Variants in ADARB2 observed in about 807,000 individuals in gnomAD.
ADARB2 encodes the protein inactive double-stranded RNA-specific editase B2.
A neutral mutation model predicts 62.2 loss-of-function variants in ADARB2; 25 were observed. That is an observed-to-expected ratio of 0.40 (90% CI 0.29 to 0.56). The LOEUF (loss-of-function observed/expected upper bound fraction) is 0.56. ADARB2 is among the 20% of genes least tolerant of loss of function. The pLI is 0.43. For synonymous variants in ADARB2, 572 were observed against 500.8 expected, an observed-to-expected ratio of 1.14 and a Z score of -1.90; for missense variants, 1,071 against 1,077.4, an observed-to-expected ratio of 0.99 and a Z score of 0.08.
At chr10:1,552,017 C>T (rs369713984) in intron 1 of ADARB2, among the ~76,000 whole-genome samples, 4 of 151,702 alleles carry the variant, frequency 2.6e-5, no homozygotes, top group East Asian at 2.0e-4. Flanking sequence ...TGGCCTCCTG[C>T]GTGGAGGCCA....
At chr10:1,491,918 T>G (rs1268116604) in intron 1 of ADARB2, among the ~76,000 whole-genome samples, 1 of 152,226 alleles carries the variant, frequency 6.6e-6, no homozygotes, top group Non-Finnish European at 1.5e-5. Flanking sequence ...TCAAAGGAGA[T>G]AAGACAGCAG....
chr10:1,626,562 A>T (rs1006273137), intron 1 of ADARB2, among the ~76,000 whole-genome samples: 2 of 152,134 alleles, frequency 1.3e-5, no homozygotes, highest in African/African-American at 4.8e-5. Context: ...TGCACGTGTC[A>T]TGGGAGTTCC....
intron 1 of ADARB2, among the ~76,000 whole-genome samples, chr10:1,527,143 T>C (rs1203746026): frequency 4.6e-5 from 7 of 152,166 alleles, no homozygotes; most frequent in Admixed American, 2.6e-4. Context: ...GGGAAAGAAT[T>C]CTTACAGGAA....
At chr10:1,641,759 T>A in intron 1 of ADARB2, among the ~76,000 whole-genome samples, 1 of 152,212 alleles carries the variant, frequency 6.6e-6, no homozygotes, top group East Asian at 1.9e-4. Flanking sequence ...ACACCTGTCA[T>A]CCCAGCACTT....
At position 1,398,169 on chromosome 10, in the gene ADARB2, C is replaced by A. The variant is rs1397720450; in HGVS notation, c.101-19009G>T. Among the ~76,000 whole-genome samples, 2 of 144,592 alleles carry A rather than the reference C, an allele frequency of 1.4e-5. No homozygotes were observed. 94.9% of individuals were successfully genotyped at this position (144,592 alleles called of 152,430 possible). On this transcript the variant is annotated intron_variant, in intron 1 of 9. Transcript: ENST00000381312. The surrounding 1 kb of genome is among the most constrained non-coding windows in gnomAD (Gnocchi z 4.1). Reference sequence around the variant, plus strand: ...AGTGCAGGCTTCCTGGGTCACCGTCCTCCTCTCCCGTCCCGAGTGCAGGCT... The same window carrying A: ...AGTGCAGGCTTCCTGGGTCACCGTCATCCTCTCCCGTCCCGAGTGCAGGCT...
chr10:1,636,490 C>T (rs1259625596), intron 1 of ADARB2, among the ~76,000 whole-genome samples: 5 of 152,066 alleles, frequency 3.3e-5, no homozygotes, highest in African/African-American at 9.7e-5. Flanking sequence ...GCACTCTAGC[C>T]TGGGGGACAG....
intron 1 of ADARB2, among the ~76,000 whole-genome samples, chr10:1,503,783 G>A (rs1220903894): frequency 6.6e-6 from 1 of 151,998 alleles, no homozygotes; most frequent in Non-Finnish European, 1.5e-5. Flanking sequence ...CTCTAACAGT[G>A]TAGCCCTGCC....
At chr10:1,209,570 A>C (rs72761001) in intron 7 of ADARB2, among the ~76,000 whole-genome samples, 2 of 113,152 alleles carry the variant, frequency 1.8e-5, no homozygotes, top group African/African-American at 3.2e-5. Context: ...CACCCACATC[A>C]TCACCCACAC....
intron 1 of ADARB2, among the ~76,000 whole-genome samples, chr10:1,586,709 G>A (rs529845413): frequency 6.6e-6 from 1 of 152,248 alleles, no homozygotes; most frequent in Admixed American, 6.5e-5. Context: ...TAGATTCCTG[G>A]ATTCTCTGCG....
intron 1 of ADARB2, among the ~76,000 whole-genome samples, chr10:1,599,061 G>A (rs1289526746): frequency 6.6e-6 from 1 of 152,248 alleles, no homozygotes; most frequent in Non-Finnish European, 1.5e-5. Context: ...GTTAACGGGA[G>A]GACTCAAAAG....
chr10:1,436,828 T>C (rs557940342), intron 1 of ADARB2, among the ~76,000 whole-genome samples: 5 of 152,358 alleles, frequency 3.3e-5, no homozygotes, highest in African/African-American at 9.6e-5. Context: ...ATATCCTCTT[T>C]CAAGGAGAAT....
intron 1 of ADARB2, among the ~76,000 whole-genome samples, chr10:1,470,126 G>GGGTCATCTGACCTGACC: frequency 2.0e-5 from 3 of 152,176 alleles, no homozygotes; most frequent in African/African-American, 4.8e-5. Context: ...CCCTCTCCCA[G>GGGTCATCTGACCTGACC]CTGCGTCCAT....
chr10:1,207,381 A>G (rs1682842622), intron 7 of ADARB2, among the ~76,000 whole-genome samples: 1 of 152,206 alleles, frequency 6.6e-6, no homozygotes, highest in Non-Finnish European at 1.5e-5. Flanking sequence ...AAGGAGTAAA[A>G]ATATTTTTAA....
chr10:1,409,593 G>A (rs927057508), intron 1 of ADARB2, among the ~76,000 whole-genome samples: 5 of 142,656 alleles, frequency 3.5e-5, no homozygotes, highest in Admixed American at 7.1e-5. Context: ...TCAGTGTGCC[G>A]AGGCCTGGCT....
chr10:1,555,096 A>G (rs373524331), intron 1 of ADARB2, among the ~76,000 whole-genome samples: 3 of 152,176 alleles, frequency 2.0e-5, no homozygotes, highest in African/African-American at 7.2e-5. Context: ...CATGGTGTCA[A>G]TGTGCCACAT....
chr10:1,714,333 G>C (rs1158264218), intron 1 of ADARB2, among the ~76,000 whole-genome samples: 1 of 152,214 alleles, frequency 6.6e-6, no homozygotes, highest in East Asian at 1.9e-4. Context: ...TAGGCACCAT[G>C]TATTTTTTAA....
intron 1 of ADARB2, among the ~76,000 whole-genome samples, chr10:1,720,803 C>T (rs1835081799): frequency 6.6e-6 from 1 of 152,108 alleles, no homozygotes. Flanking sequence ...GGGGCAGCAA[C>T]TAATATCATA....
intron 1 of ADARB2, among the ~76,000 whole-genome samples, chr10:1,582,631 A>G (rs1406860748): frequency 6.6e-6 from 1 of 152,156 alleles, no homozygotes; most frequent in Admixed American, 6.5e-5. Context: ...CCCTCAGCCA[A>G]ACAGTCAGTG....
intron 6 of ADARB2, among the ~76,000 whole-genome samples, chr10:1,226,909 C>G (rs1257790273): frequency 2.0e-5 from 3 of 152,164 alleles, no homozygotes; most frequent in Non-Finnish European, 4.4e-5. Flanking sequence ...GATGGGAGAA[C>G]CACTACTCTC....
Sources: gnomAD v4.1 joint callset for allele counts (sites outside exome capture counted in the v4.1 genomes callset) on GRCh38, gnomAD v4.1.1 for gene constraint, Gnocchi (gnomAD v3.1) non-coding constraint, MANE v1.5 for transcripts, NCBI Gene and HGNC (gene_info 2026-07-23, HGNC 2026-07-21) for gene names.